Variants in FAR2 observed in about 807,000 individuals in gnomAD.
FAR2 encodes the protein epididymis secretory protein Li 81.
Under a neutral mutation model 56.0 loss-of-function variants are expected in FAR2, and 19 were observed. That is an observed-to-expected ratio of 0.34 (90% confidence interval 0.24 to 0.50). The LOEUF (loss-of-function observed/expected upper bound fraction) is 0.50. Ranked by LOEUF, FAR2 falls within the 20% of genes least tolerant of loss-of-function variation. FAR2 has a pLI of 0.98. For missense variants in FAR2, 508 were observed against 642.2 expected, an observed-to-expected ratio of 0.79 and a Z score of 2.26; for synonymous variants, 219 against 218.8, an observed-to-expected ratio of 1.00 and a Z score of -0.01.
intron 1 of FAR2, among the ~76,000 whole-genome samples, chr12:29,156,274 A>G (rs950651437): frequency 6.6e-5 from 10 of 152,272 alleles, no homozygotes; most frequent in African/African-American, 2.4e-4. Context: ...AGTGATGGCT[A>G]CTGTATCCTC....
intron 1 of FAR2, among the ~76,000 whole-genome samples, chr12:29,199,739 T>A (rs539002738): frequency 6.6e-6 from 1 of 152,192 alleles, no homozygotes; most frequent in African/African-American, 2.4e-5. Flanking sequence ...GGTAAGAATG[T>A]GGAAGCGACA....
At chr12:29,319,888 T>C (rs1029024338) in intron 9 of FAR2, among the ~76,000 whole-genome samples, 1 of 152,184 alleles carries the variant, frequency 6.6e-6, no homozygotes, top group African/African-American at 2.4e-5. Flanking sequence ...TTCCTTCAGC[T>C]TTTGCATTTT....
chr12:29,275,246 A>G (rs1948691648), intron 2 of FAR2, among the ~76,000 whole-genome samples: 1 of 151,896 alleles, frequency 6.6e-6, no homozygotes, highest in Non-Finnish European at 1.5e-5. Context: ...TCTGGCAGGC[A>G]GGAGTGGGGG....
intron 1 of FAR2, among the ~76,000 whole-genome samples, chr12:29,152,742 A>G (rs1051018086): frequency 6.6e-6 from 1 of 152,258 alleles, no homozygotes; most frequent in Non-Finnish European, 1.5e-5. Flanking sequence ...AAAATAGCAA[A>G]TAAGTAGTTA....
chr12:29,229,953 C>T (rs1297996342), intron 1 of FAR2, among the ~76,000 whole-genome samples: 3 of 152,082 alleles, frequency 2.0e-5, no homozygotes, highest in Non-Finnish European at 4.4e-5. Flanking sequence ...TTCATTCTTC[C>T]TGCAGCCTTT....
chr12:29,273,859 C>T (rs1246347148), intron 2 of FAR2, among the ~76,000 whole-genome samples: 1 of 152,076 alleles, frequency 6.6e-6, no homozygotes, highest in Non-Finnish European at 1.5e-5. Context: ...GTAGCATGCT[C>T]ACTCACCACC....
At chr12:29,241,709 G>A (rs905474222) in intron 1 of FAR2, among the ~76,000 whole-genome samples, 2 of 152,148 alleles carry the variant, frequency 1.3e-5, no homozygotes, top group South Asian at 4.1e-4. Context: ...ATAAAAAGCA[G>A]GGCAAACACC....
intron 1 of FAR2, among the ~76,000 whole-genome samples, chr12:29,263,567 A>T (rs1948461666): frequency 6.6e-6 from 1 of 152,030 alleles, no homozygotes; most frequent in South Asian, 2.1e-4. Flanking sequence ...TCAATGAAGA[A>T]ATTGAAAATT....
intron 1 of FAR2, among the ~76,000 whole-genome samples, chr12:29,207,119 C>T (rs1947485413): frequency 1.3e-5 from 2 of 152,040 alleles, no homozygotes; most frequent in African/African-American, 2.4e-5. Flanking sequence ...CATACCAGGC[C>T]AAGGAATTTG....
Position 29,335,003 on chromosome 12 carries a change from T to A in FAR2, c.*1209T>A, listed in dbSNP as rs1273724117. ...ACTTTCCTCATATTTGAGAGATGAGTACATGTTGGATTGCAGCATTTCTTC... is the reference window on the plus strand; with the variant it reads ...ACTTTCCTCATATTTGAGAGATGAGAACATGTTGGATTGCAGCATTTCTTC... On this transcript the variant is annotated 3_prime_UTR_variant, in exon 12 of 12. Transcript: ENST00000536681. 1 of 152,162 alleles carries A rather than the reference T, an allele frequency of 6.6e-6. No homozygotes were observed. Among genetic ancestry groups the A allele is most frequent in the Non-Finnish European group, 1.5e-5 (1 of 68,018 alleles). The allele number at this position is 152,162 out of a possible 1,614,324, so 9.4% of individuals were successfully genotyped here.
chr12:29,258,550 CTTTG>C (rs1948365672), intron 1 of FAR2, among the ~76,000 whole-genome samples: 1 of 152,120 alleles, frequency 6.6e-6, no homozygotes. Flanking sequence ...ATAGCAATGA[CTTTG>C]TTTGATATAA....
At chr12:29,262,478 A>T (rs1305419553) in intron 1 of FAR2, among the ~76,000 whole-genome samples, 1 of 152,128 alleles carries the variant, frequency 6.6e-6, no homozygotes, top group African/African-American at 2.4e-5. Context: ...TAAAAATACA[A>T]AATTAGTCAG....
chr12:29,163,552 C>A (rs1949800015), intron 1 of FAR2, among the ~76,000 whole-genome samples: 1 of 152,178 alleles, frequency 6.6e-6, no homozygotes, highest in African/African-American at 2.4e-5. Flanking sequence ...CTTTAAAGTT[C>A]CTTTCCACTC....
At chr12:29,319,115 C>T (rs6487810) in intron 9 of FAR2, among the ~76,000 whole-genome samples, 5,051 of 151,842 alleles carry the variant, frequency 0.033, 111 homozygotes, top group South Asian at 0.07. Flanking sequence ...CTCAGCCTCT[C>T]GAGTAGCTGG....
intron 1 of FAR2, among the ~76,000 whole-genome samples, chr12:29,153,128 G>A (rs939905870): frequency 6.6e-6 from 1 of 152,182 alleles, no homozygotes; most frequent in Non-Finnish European, 1.5e-5. Flanking sequence ...GTTGAACAAA[G>A]CAGATGTGTT....
intron 1 of FAR2, among the ~76,000 whole-genome samples, chr12:29,246,209 C>T (rs1275663047): frequency 1.3e-5 from 2 of 151,792 alleles, no homozygotes; most frequent in Non-Finnish European, 2.9e-5. Flanking sequence ...GTATGCTATT[C>T]TATTATCTGT....
At chr12:29,271,965 C>T (rs1214134783) in intron 2 of FAR2, among the ~76,000 whole-genome samples, 1 of 152,224 alleles carries the variant, frequency 6.6e-6, no homozygotes, top group East Asian at 1.9e-4. Context: ...GGCCAGCACA[C>T]TTGCTCCTGC....
chr12:29,245,261 T>C (rs1948109209), intron 1 of FAR2, among the ~76,000 whole-genome samples: 1 of 152,216 alleles, frequency 6.6e-6, no homozygotes, highest in Non-Finnish European at 1.5e-5. Context: ...ATTACAGGCG[T>C]GAGCCACTGC....
Position 29,311,945 on chromosome 12 carries a change from A to ACTGC in FAR2, c.950_951insCTGC (p.Lys317AsnfsTer12). 6.2e-7 allele frequency: 1 copy of ACTGC among 1,608,868 alleles called. No homozygotes were observed. Among genetic ancestry groups the ACTGC allele is most frequent in the Non-Finnish European group, 8.5e-7 (1 of 1,176,342 alleles). On this transcript the variant is annotated frameshift_variant, in exon 8 of 12. Coordinates refer to ENST00000536681, the MANE Select transcript of FAR2 (RefSeq NM_001271783.2). LOFTEE classifies it high-confidence loss of function. ...AACATGAATCCCTGCAATTGGCACA[A>ACTGC]AATGGGTAAGTACTTTAGCTATGTA...
Sources: gnomAD v4.1 joint callset for allele counts (sites outside exome capture counted in the v4.1 genomes callset) on GRCh38, gnomAD v4.1.1 for gene constraint, MANE v1.5 for transcripts, NCBI Gene and HGNC (gene_info 2026-07-23, HGNC 2026-07-21) for gene names.